GATM: variants seen among roughly 807,000 people sequenced by gnomAD.
The protein encoded by GATM is glycine amidinotransferase, also known as glycine amidinotransferase, mitochondrial.
In GATM, 23 loss-of-function variants were observed where a neutral mutation model predicts 54.2. The observed-to-expected ratio is 0.42, with a 90% confidence interval of 0.31 to 0.60. GATM has a LOEUF of 0.60. GATM is among the 20% of genes least tolerant of loss of function. The pLI is 0.14. For synonymous variants in GATM, 168 were observed against 183.1 expected (o/e 0.92, Z 0.67); for missense variants, 401 against 544.9 (o/e 0.74, Z 2.63).
At chr15:45,380,857 ACTC>A (rs1405905984), upstream of GATM, among the ~76,000 whole-genome samples, 2 of 151,260 alleles carry the variant, frequency 1.3e-5, no homozygotes, top group South Asian at 2.1e-4. Context: ...CAAAGCACTC[ACTC>A]CTCCTTTTTG....
At chr15:45,381,113 T>G (rs1020647305), upstream of GATM, among the ~76,000 whole-genome samples, 18 of 152,306 alleles carry the variant, frequency 1.2e-4, no homozygotes, top group Non-Finnish European at 2.4e-4. Flanking sequence ...TCCGTGGTCT[T>G]TAGTTGCTGC....
At chr15:45,376,508 T>C in intron 2 of GATM, 93 bp downstream of exon 2, 1 of 1,019,214 alleles carries the variant, frequency 9.8e-7, no homozygotes, top group South Asian at 1.3e-5. Flanking sequence ...GATTGAGAGG[T>C]CTGGGAGTAA....
intron 8 of GATM, among the ~76,000 whole-genome samples, chr15:45,363,264 C>T (rs1168756256): frequency 1.3e-5 from 2 of 151,746 alleles, no homozygotes. Flanking sequence ...ACAGCTCTGT[C>T]TCAAAATACA....
chr15:45,361,996 A>C lies in GATM; in HGVS notation c.*113T>G. 8.2e-6 allele frequency: 6 copies of C among 729,064 alleles called. No individual in the cohort carries two copies. The highest frequency in any genetic ancestry group is 1.5e-5 in the Non-Finnish European group (6 of 399,652). The allele number at this position is 729,064 out of a possible 1,614,324, so 45.2% of individuals were successfully genotyped here. A position where few individuals can be genotyped will look rare whatever the true frequency, so the allele number is the denominator to read the frequency against. The stretch of plus-strand genomic sequence containing the variant: ...ACCAGGCTTACGACCCCTGTTAAGG[A>C]GATGATTGTTTAAAGCACTACAGTT... On this transcript the variant is annotated 3_prime_UTR_variant, in exon 9 of 9. Coordinates refer to ENST00000396659, the MANE Select transcript of GATM (RefSeq NM_001482.3).
intron 4 of GATM, 99 bp from the exon 5 acceptor site, chr15:45,366,607 C>T: frequency 7.7e-7 from 1 of 1,295,294 alleles, no homozygotes; most frequent in Non-Finnish European, 1.1e-6. Flanking sequence ...CATCATTTCC[C>T]AAAATATTAC....
intron 3 of GATM, among the ~76,000 whole-genome samples, chr15:45,387,256 A>G (rs949225041): frequency 1.3e-5 from 2 of 152,200 alleles, no homozygotes; most frequent in African/African-American, 4.8e-5. Flanking sequence ...CTGCAACTTG[A>G]GATACTTGTG....
At chr15:45,402,206 G>A (rs1236799455) in exon 1 of GATM, 15 of 602,304 alleles carry the variant, frequency 2.5e-5, no homozygotes, top group African/African-American at 3.9e-5. Flanking sequence ...CTCTGGGTTA[G>A]GCAACTCGAT....
At chr15:45,372,093 A>G (rs575345266) in intron 2 of GATM, among the ~76,000 whole-genome samples, 4 of 152,242 alleles carry the variant, frequency 2.6e-5, no homozygotes, top group African/African-American at 9.6e-5. Context: ...AGAGGCTGGT[A>G]AAAAAAGGTC....
At chr15:45,366,233 C>T (rs371808484) in intron 5 of GATM, 23 bp from the exon 6 acceptor site, 18 of 1,613,110 alleles carry the variant, frequency 1.1e-5, no homozygotes, top group Middle Eastern at 1.6e-4. Context: ...GAAAGACATA[C>T]GATCGATAAA....
At chr15:45,399,978 T>C (rs1305537167) in intron 1 of GATM, among the ~76,000 whole-genome samples, 1 of 152,164 alleles carries the variant, frequency 6.6e-6, no homozygotes, top group African/African-American at 2.4e-5. Flanking sequence ...TCTCAGCACT[T>C]TGGGAGGCTG....
intron 3 of GATM, among the ~76,000 whole-genome samples, chr15:45,388,334 C>T (rs1046187140): frequency 3.3e-5 from 5 of 152,202 alleles, no homozygotes; most frequent in East Asian, 1.9e-4. Context: ...GTACACCCAT[C>T]GCCCTGTTTT....
chr15:45,377,030 T>C (rs1595486013), intron 1 of GATM: 9 of 602,522 alleles, frequency 1.5e-5, no homozygotes, highest in Non-Finnish European at 2.4e-5. Flanking sequence ...ATTGTCTTCT[T>C]ATCTATTAAT....
intron 6 of GATM, 149 bp downstream of exon 6, chr15:45,365,897 G>T: frequency 1.4e-6 from 1 of 736,330 alleles, no homozygotes; most frequent in Non-Finnish European, 2.4e-6. Flanking sequence ...AAGCCATAAG[G>T]AATCCAATGT....
chr15:45,396,869 C>CAAAAAAAAAAAAAAA (rs57667717), intron 3 of GATM: 3 of 66,454 alleles, frequency 4.5e-5, no homozygotes, highest in Admixed American at 1.9e-4. Context: ...GACTCCGTCT[C>CAAAAAAAAAAAAAAA]AAAAAAAAAA....
chr15:45,362,931 A>C (rs1288340955), intron 8 of GATM, among the ~76,000 whole-genome samples: 1 of 152,208 alleles, frequency 6.6e-6, no homozygotes, highest in Non-Finnish European at 1.5e-5. Flanking sequence ...TAGGCTACAA[A>C]GTCACTAAAG....
intron 2 of GATM, 141 bp downstream of exon 2, chr15:45,376,460 A>C: frequency 1.3e-6 from 1 of 768,802 alleles, no homozygotes; most frequent in Non-Finnish European, 2.3e-6. Flanking sequence ...ATAGTGTCAA[A>C]TACCACAGAG....
At chr15:45,376,878 G>C in intron 1 of GATM, 59 bp from the exon 2 acceptor site, 1 of 1,455,842 alleles carries the variant, frequency 6.9e-7, no homozygotes, top group South Asian at 1.2e-5. Flanking sequence ...CTTACAGAGA[G>C]GAGGAAGTGG....
chr15:45,393,651 TCC>T lies in GATM; in HGVS notation c.-319+3269_-319+3270del, dbSNP rs1889895253. 2.0e-5 allele frequency among the ~76,000 whole-genome samples: 3 copies of T among 152,196 alleles called. No homozygotes were observed. The South Asian group carries it at 6.2e-4, about 31-fold the overall frequency. The stretch of plus-strand genomic sequence containing the variant: ...CAATGAACATCATACAGGTTGAGTA[TCC>T]CTTATCTGAAGTGCTTGGGACCAGA... On this transcript the variant is annotated intron_variant, in intron 3 of 4. Transcript: ENST00000561148.
rs752490490 is a variant in GATM at position 45,368,185 on chromosome 15, C to T, written c.560G>A (p.Arg187His). The change falls in exon 4 of 9, where the codon CGT becomes CAT. Residue 187 changes from arginine to histidine, a missense_variant. By Grantham distance (29) the Arg-to-His change is conservative. This residue lies in a region of GATM where 321 missense variants were observed against 457.5 expected (regional missense o/e 0.70). Transcript: ENST00000396659. This position sits in a 1 kb window ranked among gnomAD's most constrained non-coding sequence, Gnocchi z 5.1. The part of the protein sequence containing the change: ...NEIIEAPMAW[R>H]SRFFEYRAYR... The stretch of plus-strand genomic sequence containing the variant: ...CGCTCGGTACTCAAAGAAGCGTGAA[C>T]GCCATGCCATGGGAGCCTCGATAAT... 3.7e-6 allele frequency: 6 copies of T among 1,614,106 alleles called. No individual in the cohort carries two copies. Among genetic ancestry groups the T allele is most frequent in the Admixed American group, 1.7e-5 (1 of 60,024 alleles).
Sources: gnomAD v4.1 joint callset for allele counts (sites outside exome capture counted in the v4.1 genomes callset) on GRCh38, gnomAD v4.1.1 for gene constraint, gnomAD v4.1.1 regional missense constraint, Gnocchi (gnomAD v3.1) non-coding constraint, MANE v1.5 for transcripts, NCBI Gene and HGNC (gene_info 2026-07-23, HGNC 2026-07-21) for gene names.